INPP1: variants seen among roughly 807,000 people sequenced by gnomAD.
INPP1 encodes inositol polyphosphate 1-phosphatase.
A neutral mutation model predicts 23.0 loss-of-function variants in INPP1; 18 were observed. That is an observed-to-expected ratio of 0.78 (90% CI 0.54 to 1.16). INPP1 has a LOEUF of 1.16. Ranked by LOEUF, INPP1 falls within the 50% of genes most tolerant of loss-of-function variation. The pLI is 0.00. For missense variants in INPP1, 448 were observed against 482.1 expected (o/e 0.93, Z 0.66); for synonymous variants, 164 against 176.3 (o/e 0.93, Z 0.55).
chr2:190,362,391 T>C (rs1259605702), intron 3 of INPP1, among the ~76,000 whole-genome samples: 1 of 152,194 alleles, frequency 6.6e-6, no homozygotes, highest in Non-Finnish European at 1.5e-5. Context: ...GAACCAGGCA[T>C]CTACCATGAT....
rs1369780240 is a variant in INPP1, at chr2:190,352,910, C to T, written c.-65+3879C>T. 5.3e-5 allele frequency among the ~76,000 whole-genome samples: 8 copies of T among 152,166 alleles called. No homozygotes were observed. ...GTCAGGCAGGCCCACCACGCAATAG[C>T]TTCAAATTGCCATTCCTCAGAAGAT... On this transcript the variant is annotated intron_variant, in intron 2 of 6. Coordinates refer to ENST00000392329, the MANE Select transcript of INPP1 (RefSeq NM_001128928.2). The surrounding 1 kb of genome is among the most constrained non-coding windows in gnomAD (Gnocchi z 4.7).
intron 3 of INPP1, among the ~76,000 whole-genome samples, chr2:190,362,145 C>T (rs562936047): frequency 6.6e-6 from 1 of 152,120 alleles, no homozygotes; most frequent in Non-Finnish European, 1.5e-5. Flanking sequence ...AGTGGGGAAA[C>T]AAACGCCTGA....
chr2:190,359,167 G>A (rs1689482352), intron 2 of INPP1, among the ~76,000 whole-genome samples: 1 of 152,130 alleles, frequency 6.6e-6, no homozygotes, highest in Admixed American at 6.6e-5. Flanking sequence ...TGGCGTGGTG[G>A]CATGCATCTG....
At chr2:190,359,571 AAG>A (rs567862756) in intron 2 of INPP1, 31,362 of 114,762 alleles carry the variant, frequency 0.27, 3,524 homozygotes, top group East Asian at 0.45. Context: ...AAAAAAAAAA[AAG>A]AAAGAAAAAA....
chr2:190,365,860 TCTCTGTCTCTCTTG>T (rs1689636457), intron 4 of INPP1, among the ~76,000 whole-genome samples: 1 of 21,656 alleles, frequency 4.6e-5, no homozygotes, highest in East Asian at 3.1e-3. Flanking sequence ...TCTCTCTCGC[TCTCTGTCTCTCTTG>T]CTCTGTCTCT....
chr2:190,364,321 C>A (rs192231043), intron 4 of INPP1, among the ~76,000 whole-genome samples: 6,745 of 151,958 alleles, frequency 0.044, 229 homozygotes, highest in African/African-American at 0.052. Context: ...GGGTGGATCA[C>A]AAGGTCAGGA....
chr2:190,359,831 T>C (rs961058527), intron 2 of INPP1: 12 of 351,866 alleles, frequency 3.4e-5, no homozygotes, highest in Admixed American at 8.6e-5. Context: ...TTTTTGAGAG[T>C]GTAAATTTTT....
chr2:190,362,757 C>A, intron 4 of INPP1, 70 bp downstream of exon 4: 1 of 1,018,226 alleles, frequency 9.8e-7, no homozygotes, highest in Non-Finnish European at 1.5e-6. Flanking sequence ...CTAGTTTATA[C>A]CATGAACTAA....
chr2:190,371,117 C>T lies in INPP1; in HGVS notation c.915C>T (p.Tyr305=), dbSNP rs1161180132. 1.2e-6 allele frequency: 2 copies of T among 1,614,216 alleles called. No individual in the cohort carries two copies. The highest frequency in any genetic ancestry group is 1.7e-6 in the Non-Finnish European group (2 of 1,180,052). ...TTGTCCAAGGCCTCGTTGACATTTACATCTTTTCAGAAGATACCACATTCA... is the reference window on the plus strand; with the variant it reads ...TTGTCCAAGGCCTCGTTGACATTTATATCTTTTCAGAAGATACCACATTCA... ...LCVVQGLVDI[Y]IFSEDTTFKW... is the part of the protein sequence containing the mutation. The change falls in exon 7 of 7, where the codon TAC becomes TAT. Residue 305 remains tyrosine, a synonymous_variant. Transcript: ENST00000392329. The surrounding 1 kb of genome is among the most constrained non-coding windows in gnomAD (Gnocchi z 5.3).
rs748727151 is a variant in INPP1, at chr2:190,366,853, A to G, written c.424A>G (p.Asn142Asp). The G allele has an allele frequency of 6.2e-7, 1 of 1,614,024 alleles. No individual in the cohort carries two copies. The highest frequency in any genetic ancestry group is 1.1e-5 in the South Asian group (1 of 91,078). The change falls in exon 5 of 7, where the codon AAT becomes GAT. Residue 142 changes from asparagine to aspartate, a missense_variant. Transcript: ENST00000392329. ...TDPTLDSTEI[N>D]VPQDILGIWV... is the part of the protein sequence containing the mutation. ...CCCAACTCTGGATTCCACAGAGATC[A>G]ATGTTCCACAGGACATTTTGGGAAT... is the stretch of plus-strand genomic sequence containing the variant.
At chr2:190,344,006 G>A (rs1236107815) in intron 1 of INPP1, 45 bp downstream of exon 1, 1 of 330,028 alleles carries the variant, frequency 3.0e-6, no homozygotes, top group African/African-American at 2.3e-5. Context: ...GGGTCCCCGC[G>A]CCGCTGCCCC....
rs1175323432 is a variant in INPP1, at chr2:190,355,758, A to T, written c.-64-4281A>T. ...TACAGTGTTGAAATAAAGTGGTCTT[A>T]GGTGAATGATGAGTATGTAAACTTA... On this transcript the variant is annotated intron_variant, in intron 2 of 6. Coordinates refer to ENST00000392329, the MANE Select transcript of INPP1 (RefSeq NM_001128928.2). The surrounding 1 kb of genome is among the most constrained non-coding windows in gnomAD (Gnocchi z 5.1). Among the ~76,000 whole-genome samples the T allele has an allele frequency of 6.6e-6, 1 of 152,214 alleles. No homozygotes were observed. The highest frequency in any genetic ancestry group is 6.5e-5 in the Admixed American group (1 of 15,284).
intron 1 of INPP1, among the ~76,000 whole-genome samples, chr2:190,344,859 G>T (rs1052827704): frequency 5.9e-5 from 9 of 152,214 alleles, no homozygotes; most frequent in African/African-American, 2.2e-4. Context: ...CACTTAAGTG[G>T]ATCCCATCTG....
rs1689420706 is a variant in INPP1, at chr2:190,356,335, AT to A, written c.-64-3702del. Among the ~76,000 whole-genome samples the A allele has an allele frequency of 6.6e-6, 1 of 152,194 alleles. No individual in the cohort carries two copies. Among genetic ancestry groups the A allele is most frequent in the Admixed American group, 6.5e-5 (1 of 15,276 alleles). ...GATAACCTTGGAACTGAAAAACCTG[AT>A]TATTGTGTTATGAGAAATTCCTAAA... is the stretch of plus-strand genomic sequence containing the variant. On this transcript the variant is annotated intron_variant, in intron 2 of 6. Coordinates refer to ENST00000392329, the MANE Select transcript of INPP1 (RefSeq NM_001128928.2). This position sits in a 1 kb window ranked among gnomAD's most constrained non-coding sequence, Gnocchi z 6.4.
Position 190,366,897 on chromosome 2 carries a change from T to TCC in INPP1, c.466+2_466+3insCC, listed in dbSNP as rs751117219. On this transcript the variant is annotated splice_region_variant and intron_variant, in intron 5 of 6. Coordinates refer to ENST00000392329, the MANE Select transcript of INPP1 (RefSeq NM_001128928.2). Reference sequence around the variant, plus strand: ...TGGGAATTTGGGTGGACCCCATAGGTAAGTATAGGAAAGTATGTTTGTTCT... The same window carrying TCC: ...TGGGAATTTGGGTGGACCCCATAGGTCCAAGTATAGGAAAGTATGTTTGTTCT... 15 of 1,586,512 alleles carry TCC rather than the reference T, an allele frequency of 9.5e-6. No individual in the cohort carries two copies. Among genetic ancestry groups the TCC allele is most frequent in the Non-Finnish European group, 1.3e-5 (15 of 1,154,832 alleles).
At chr2:190,362,562 C>A in intron 3 of INPP1, 65 bp from the exon 4 acceptor site, 1 of 892,074 alleles carries the variant, frequency 1.1e-6, no homozygotes, top group Non-Finnish European at 1.7e-6. Flanking sequence ...AAATTGAAAT[C>A]TGTTCAGAAT....
rs539011862 is a variant in INPP1 at position 190,367,768 on chromosome 2, G to A, written c.466+873G>A. Among the ~76,000 whole-genome samples the A allele has an allele frequency of 1.3e-5, 2 of 152,222 alleles. No individual in the cohort carries two copies. Among genetic ancestry groups the A allele is most frequent in the South Asian group, 4.1e-4 (2 of 4,828 alleles). On this transcript the variant is annotated intron_variant, in intron 5 of 6. Transcript: ENST00000392329. This position sits in a 1 kb window ranked among gnomAD's most constrained non-coding sequence, Gnocchi z 4.1. ...TTTTTAGAGAAGGGGTTTTTACCAT[G>A]TTTCCCAGGCTGGTCTCGAACTCCT...
At chr2:190,362,249 G>A (rs548043462) in intron 3 of INPP1, among the ~76,000 whole-genome samples, 40 of 152,258 alleles carry the variant, frequency 2.6e-4, no homozygotes, top group African/African-American at 7.5e-4. Context: ...AAATTGCCTT[G>A]TATAAGCTAC....
chr2:190,348,761 A>G (rs1413184158), intron 1 of INPP1, 127 bp from the exon 2 acceptor site: 1 of 152,242 alleles, frequency 6.6e-6, no homozygotes. Flanking sequence ...AATCTCATTT[A>G]TATGAGAAGT....
Sources: allele counts gnomAD v4.1 joint callset (sites outside exome capture counted in the v4.1 genomes callset), GRCh38; gene constraint gnomAD v4.1.1; non-coding constraint Gnocchi (gnomAD v3.1); transcripts MANE v1.5; gene names NCBI Gene and HGNC (gene_info 2026-07-23, HGNC 2026-07-21).